GAB3: variants seen among roughly 807,000 people sequenced by gnomAD.
The protein encoded by GAB3 is GRB2-associated-binding protein 3.
Under a neutral mutation model 40.4 loss-of-function variants are expected in GAB3, and 12 were observed. The observed-to-expected ratio is 0.30, with a 90% CI of 0.19 to 0.48. The LOEUF (loss-of-function observed/expected upper bound fraction) is 0.48, where lower values mean the gene tolerates loss of function less well. GAB3 is among the 20% of genes least tolerant of loss of function. The pLI, the probability that GAB3 is intolerant of heterozygous loss-of-function variation, is 0.99. For synonymous variants in GAB3, 154 were observed against 176.7 expected (o/e 0.87, Z 1.02); for missense variants, 381 against 461.9 (o/e 0.82, Z 1.61).
At chrX:154,751,135 C>T (rs2071610165), upstream of GAB3, 29 of 686,754 alleles carry the variant, frequency 4.2e-5, no homozygotes, top group Non-Finnish European at 5.0e-5. Flanking sequence ...CCAGCGCCGC[C>T]CCGAGCGGCC....
rs377233656 is a variant in GAB3, at chrX:154,697,217, C to A, written c.1346-4G>T. The stretch of plus-strand genomic sequence containing the variant: ...AGGTCCAGAGGAGGTGGCCGTGCTA[C>A]AAGACAGTGTGCAACATCCAGGAGG... On this transcript the variant is annotated splice_polypyrimidine_tract_variant and splice_region_variant and intron_variant, in intron 6 of 9. Transcript: ENST00000424127. The A allele has an allele frequency of 8.7e-7, 1 of 1,156,014 alleles. No homozygotes were observed. The highest frequency in any genetic ancestry group is 1.8e-5 in the African/African-American group (1 of 55,938).
rs782682115 is a variant in GAB3 at position 154,714,379 on chromosome X, G to A, written c.377-953C>T. Among the ~76,000 whole-genome samples, 4 of 111,945 alleles carry A rather than the reference G, an allele frequency of 3.6e-5. No homozygotes were observed. The South Asian group carries it at 1.5e-3, about 42-fold the overall frequency. ...ACATAGGCCATAGAACTGCTGTGGG[G>A]ATGAGACAAGTTAATATACAAAAGC... On this transcript the variant is annotated intron_variant, in intron 2 of 9. Transcript: ENST00000424127.
intron 4 of GAB3, among the ~76,000 whole-genome samples, chrX:154,709,497 T>A (rs1174902200): frequency 9.2e-6 from 1 of 109,235 alleles, no homozygotes; most frequent in African/African-American, 3.3e-5. Context: ...TTTTTGTATT[T>A]TTAGTAGAGA....
At chrX:154,727,228 T>C (rs1444511481) in intron 1 of GAB3, among the ~76,000 whole-genome samples, 1 of 112,531 alleles carries the variant, frequency 8.9e-6, no homozygotes, top group African/African-American at 3.2e-5. Context: ...CCTGAACATG[T>C]AGAATCTCCT....
chrX:154,738,826 G>A (rs1557260849), intron 1 of GAB3, among the ~76,000 whole-genome samples: 1 of 111,938 alleles, frequency 8.9e-6, no homozygotes, highest in African/African-American at 3.3e-5. Flanking sequence ...CAATCAACCT[G>A]ACTTCCAGAA....
chrX:154,711,409 G>C (rs782603619), intron 4 of GAB3, among the ~76,000 whole-genome samples: 1 of 111,657 alleles, frequency 9.0e-6, no homozygotes, highest in East Asian at 2.8e-4. Flanking sequence ...GTAAAGAAGA[G>C]GTTACTGAAA....
intron 4 of GAB3, among the ~76,000 whole-genome samples, chrX:154,709,373 T>G (rs937686084): frequency 5.7e-5 from 6 of 104,925 alleles, no homozygotes; most frequent in African/African-American, 1.8e-4. Flanking sequence ...CAGACTGGAG[T>G]GCAGTGGTGT....
chrX:154,718,108 G>A (rs1164518758), intron 1 of GAB3, among the ~76,000 whole-genome samples: 1 of 110,988 alleles, frequency 9.0e-6, no homozygotes, highest in Non-Finnish European at 1.9e-5. Flanking sequence ...TCATTTATGT[G>A]TGATACTTTT....
chrX:154,722,211 G>A (rs2071142269), intron 1 of GAB3, among the ~76,000 whole-genome samples: 1 of 110,800 alleles, frequency 9.0e-6, no homozygotes, highest in South Asian at 3.8e-4. Flanking sequence ...TGAATGATCT[G>A]TTTTGTACGT....
intron 1 of GAB3, among the ~76,000 whole-genome samples, chrX:154,728,122 G>A (rs1305565646): frequency 9.0e-6 from 1 of 111,482 alleles, no homozygotes; most frequent in Non-Finnish European, 1.9e-5. Context: ...TGCCCCCTCT[G>A]CGGTGGTGAA....
At chrX:154,751,206 C>A, upstream of GAB3, 1 of 274,266 alleles carries the variant, frequency 3.6e-6, no homozygotes, top group Non-Finnish European at 4.9e-6. Flanking sequence ...CCGCCCGCAA[C>A]CCAAGACGGC....
At chrX:154,722,432 AG>A (rs1569557939) in intron 1 of GAB3, among the ~76,000 whole-genome samples, 1 of 111,950 alleles carries the variant, frequency 8.9e-6, no homozygotes, top group Non-Finnish European at 1.9e-5. Flanking sequence ...GTATTGCCTT[AG>A]GGATTTCTGT....
In GAB3 at chrX:154,678,117, GAAAA is replaced by G. The variant is rs2070322491; in HGVS notation, c.*57_*60del. ...TTAGTGGACAAAAAAAAAAAAAAAAGAAAAAACTCAAACTGAGCCCCAAGCTTCC... is the reference window on the plus strand; with the variant it reads ...TTAGTGGACAAAAAAAAAAAAAAAAGAACTCAAACTGAGCCCCAAGCTTCC... On this transcript the variant is annotated 3_prime_UTR_variant, in exon 10 of 10. Transcript: ENST00000424127. 2.1e-6 allele frequency: 1 copy of G among 473,815 alleles called. No homozygotes were observed. The highest frequency in any genetic ancestry group is 2.7e-5 in the African/African-American group (1 of 37,222). 39.0% of individuals were successfully genotyped at this position (473,815 alleles called of 1,213,427 possible).
chrX:154,713,510 A>G (rs2070989662), intron 2 of GAB3, 84 bp from the exon 3 acceptor site: 1 of 726,954 alleles, frequency 1.4e-6, no homozygotes, highest in East Asian at 3.4e-5. Flanking sequence ...AAAGAAGCCA[A>G]ACAGAAGATG....
chrX:154,740,815 G>A (rs1042716559), intron 1 of GAB3, among the ~76,000 whole-genome samples: 35 of 112,308 alleles, frequency 3.1e-4, no homozygotes, highest in African/African-American at 1.1e-3. Flanking sequence ...GGAATTCACT[G>A]TTCAATCTGG....
intron 4 of GAB3, among the ~76,000 whole-genome samples, chrX:154,703,231 CAA>C (rs2070762415): frequency 1.8e-5 from 2 of 111,986 alleles, no homozygotes; most frequent in Admixed American, 9.5e-5. Context: ...TTCACAATAG[CAA>C]AGACATGGAA....
intron 8 of GAB3, among the ~76,000 whole-genome samples, chrX:154,692,831 A>C (rs2070593513): frequency 8.9e-6 from 1 of 112,138 alleles, no homozygotes; most frequent in African/African-American, 3.2e-5. Flanking sequence ...GATGTGGAGA[A>C]ATTGGAACCC....
rs782222064 is a variant in GAB3, at chrX:154,689,128, T to C, written c.1530+6789A>G. On this transcript the variant is annotated intron_variant, in intron 8 of 9. Transcript: ENST00000424127. ...GGTTCAATATACGCAAATCAGTAAA[T>C]GTAATCCAGCATATAAACAGAACCA... Among the ~76,000 whole-genome samples the C allele has an allele frequency of 2.7e-5, 3 of 111,887 alleles. No individual in the cohort carries two copies. The East Asian group carries it at 8.4e-4, about 31-fold the overall frequency.
At chrX:154,710,478 G>T (rs1235523432) in intron 4 of GAB3, among the ~76,000 whole-genome samples, 1 of 111,908 alleles carries the variant, frequency 8.9e-6, no homozygotes, top group Non-Finnish European at 1.9e-5. Flanking sequence ...AAGCAGAAAG[G>T]AAACTCAGAC....
Sources: allele counts gnomAD v4.1 joint callset (sites outside exome capture counted in the v4.1 genomes callset), GRCh38; gene constraint gnomAD v4.1.1; transcripts MANE v1.5; gene names NCBI Gene and HGNC (gene_info 2026-07-23, HGNC 2026-07-21).